Variants in RYR3 observed in about 807,000 individuals in gnomAD.
The protein encoded by RYR3 is brain ryanodine receptor-calcium release channel.
Under a neutral mutation model 584.3 loss-of-function variants are expected in RYR3, and 207 were observed. The ratio of observed to expected loss-of-function variants is 0.35; its 90% CI spans 0.32 to 0.40. The LOEUF is 0.40. RYR3 is among the 10% of genes least tolerant of loss of function. The pLI is 1.00. For synonymous variants in RYR3, 2,416 were observed against 2,248.5 expected (o/e 1.07, Z -2.11); for missense variants, 5,616 against 6,089.2 (o/e 0.92, Z 2.59).
chr15:33,654,785 C>T (rs886809531), intron 32 of RYR3, among the ~76,000 whole-genome samples: 1 of 152,188 alleles, frequency 6.6e-6, no homozygotes, highest in African/African-American at 2.4e-5. Context: ...GTTTACCTAA[C>T]TATAGCAAAT....
At chr15:33,776,687 T>C (rs1448625238) in intron 64 of RYR3, among the ~76,000 whole-genome samples, 1 of 152,242 alleles carries the variant, frequency 6.6e-6, no homozygotes, top group East Asian at 1.9e-4. Flanking sequence ...ATTTCCTCTC[T>C]TTAGTACCCT....
At chr15:33,411,667 T>C (rs765066752) in intron 1 of RYR3, among the ~76,000 whole-genome samples, 2 of 152,192 alleles carry the variant, frequency 1.3e-5, no homozygotes, top group Non-Finnish European at 2.9e-5. Flanking sequence ...CACTTCCCCT[T>C]AGGAGTTCAT....
intron 2 of RYR3, among the ~76,000 whole-genome samples, chr15:33,474,396 C>T (rs1213235362): frequency 6.6e-6 from 1 of 152,148 alleles, no homozygotes. Context: ...TATCAGTAGG[C>T]TGGAAACTCA....
chr15:33,776,272 GACA>G (rs2073986514), intron 64 of RYR3, among the ~76,000 whole-genome samples: 1 of 152,208 alleles, frequency 6.6e-6, no homozygotes, highest in Non-Finnish European at 1.5e-5. Flanking sequence ...TTCTAATTGA[GACA>G]ACAACACTGA....
chr15:33,536,050 C>T (rs1382069908), intron 5 of RYR3, among the ~76,000 whole-genome samples: 1 of 152,158 alleles, frequency 6.6e-6, no homozygotes, highest in Non-Finnish European at 1.5e-5. Flanking sequence ...GATGCACCTC[C>T]AACTCAGATG....
intron 45 of RYR3, among the ~76,000 whole-genome samples, chr15:33,725,184 CACACACACACACACACACAT>C (rs1456926192): frequency 2.0e-5 from 3 of 147,614 alleles, no homozygotes; most frequent in African/African-American, 7.4e-5. Flanking sequence ...CACACACACA[CACACACACACACACACACAT>C]ATATACATCC....
rs180893074 is a variant in RYR3 at position 33,422,793 on chromosome 15, G to A, written c.52-50626G>A. 2.5e-3 allele frequency among the ~76,000 whole-genome samples: 387 copies of A among 152,254 alleles called. 2 individuals are homozygous for A. Among genetic ancestry groups the A allele is most frequent in the Middle Eastern group, 3.4e-3 (1 of 294 alleles). On this transcript the variant is annotated intron_variant, in intron 1 of 103. Transcript: ENST00000634891. ...GATCAGCAGAGGCCTTGTATCCCCT[G>A]TAAAACAGTTTAAATATTAGCCTGC...
chr15:33,334,225 G>A (rs1970693174), intron 1 of RYR3, among the ~76,000 whole-genome samples: 1 of 152,054 alleles, frequency 6.6e-6, no homozygotes, highest in Admixed American at 6.6e-5. Context: ...AATAGCCAAG[G>A]CAATCCTAAG....
At position 33,728,991 on chromosome 15, in the gene RYR3, T is replaced by G. The variant is rs2068700992; in HGVS notation, c.7168T>G (p.Leu2390Val). 1 of 1,613,902 alleles carries G rather than the reference T, an allele frequency of 6.2e-7. No homozygotes were observed. Among genetic ancestry groups the G allele is most frequent in the African/African-American group, 1.3e-5 (1 of 74,942 alleles). ...FLLHLLEVGF[L>V]PDLRASASLD... ...GCTCCACTTGCTGGAGGTTGGATTT[T>G]TACCTGACCTAAGAGCTTCTGCCTC... Residue 2390 changes from leucine to valine, a missense_variant, in exon 47 of 104, where the codon TTA (leucine) becomes GTA (valine). By Grantham distance (32) the Leu-to-Val change is conservative (BLOSUM62 1). Around this residue, in one of 9 missense-constraint regions of RYR3, gnomAD observed 1,280 missense variants for 1,426.2 expected, o/e 0.90. Transcript: ENST00000634891.
In RYR3 at chr15:33,633,189, G is replaced by A. The variant is rs543397744; in HGVS notation, c.3027+81G>A. Reference sequence around the variant, plus strand: ...TGCCGTTTTGCTTTGGTGTGTGTTAGATCAGAAGGAAGAGTTTGCCTTTGC... The same window carrying A: ...TGCCGTTTTGCTTTGGTGTGTGTTAAATCAGAAGGAAGAGTTTGCCTTTGC... On this transcript the variant is annotated intron_variant, in intron 24 of 103. Transcript: ENST00000634891. The A allele has an allele frequency of 3.8e-5, 56 of 1,456,554 alleles. No individual in the cohort carries two copies. In the African/African-American group the frequency reaches 7.4e-4, roughly 19 times the overall value. The allele number at this position is 1,456,554 out of a possible 1,614,324, so 90.2% of individuals were successfully genotyped here.
rs143550625 is a variant in RYR3 at position 33,835,416 on chromosome 15, C to T, written c.11568+344C>T. ...CAAACACTCTACCAGCCCCGTCTGA[C>T]TTGTCCCATGTTGCATGTCTCTGTA... is the stretch of plus-strand genomic sequence containing the variant. On this transcript the variant is annotated intron_variant, in intron 87 of 103. Transcript: ENST00000634891. Among the ~76,000 whole-genome samples the T allele has an allele frequency of 7.2e-3, 1,095 of 152,294 alleles. 10 individuals are homozygous for T. The highest frequency in any genetic ancestry group is 0.025 in the African/African-American group (1,042 of 41,560).
At chr15:33,590,012 TA>T (rs1373238356) in intron 16 of RYR3, among the ~76,000 whole-genome samples, 2 of 151,728 alleles carry the variant, frequency 1.3e-5, no homozygotes, top group Admixed American at 6.6e-5. Flanking sequence ...TGAAGAGAGA[TA>T]GGGGTGGGGC....
rs745996065 is a variant in RYR3 at position 33,821,260 on chromosome 15, T to C, written c.10816-10T>C. The C allele has an allele frequency of 8.2e-6, 13 of 1,580,558 alleles. No individual in the cohort carries two copies. Among genetic ancestry groups the C allele is most frequent in the Non-Finnish European group, 1.1e-5 (13 of 1,163,176 alleles). The stretch of plus-strand genomic sequence containing the variant: ...AACCAATCTTTCCCTGTGATTTTTT[T>C]TCCCCCCAGGAGAAAGAGATGGAGA... On this transcript the variant is annotated splice_polypyrimidine_tract_variant and intron_variant, in intron 78 of 103. Coordinates refer to ENST00000634891, the MANE Select transcript of RYR3 (RefSeq NM_001036.6).
At chr15:33,603,674 G>C (rs2059779008) in intron 18 of RYR3, among the ~76,000 whole-genome samples, 1 of 152,190 alleles carries the variant, frequency 6.6e-6, no homozygotes, top group Non-Finnish European at 1.5e-5. Flanking sequence ...TGAGCAGTGA[G>C]TTACATACTT....
At chr15:33,862,523 C>CTAGA (rs1416190721) in intron 102 of RYR3, among the ~76,000 whole-genome samples, 2 of 152,174 alleles carry the variant, frequency 1.3e-5, no homozygotes, top group Non-Finnish European at 2.9e-5. Context: ...TTTCTTTAGG[C>CTAGA]TAGAGCAGGC....
intron 67 of RYR3, among the ~76,000 whole-genome samples, chr15:33,794,265 C>A (rs1184108184): frequency 1.9e-5 from 1 of 51,642 alleles, no homozygotes; most frequent in African/African-American, 4.8e-5. Context: ...GTACAATTTC[C>A]CATAGATAGG....
chr15:33,845,196 A>G, intron 93 of RYR3, 134 bp downstream of exon 93: 1 of 779,426 alleles, frequency 1.3e-6, no homozygotes, highest in Non-Finnish European at 2.1e-6. Context: ...CAGCAGCAGC[A>G]CATCACTTGG....
At chr15:33,356,224 A>G (rs1973959285) in intron 1 of RYR3, among the ~76,000 whole-genome samples, 1 of 152,150 alleles carries the variant, frequency 6.6e-6, no homozygotes, top group Non-Finnish European at 1.5e-5. Flanking sequence ...CAATCTTTAT[A>G]ACCTCAACTA....
At position 33,841,989 on chromosome 15, in the gene RYR3, C is replaced by G. The variant is rs1443436046; in HGVS notation, c.13163C>G (p.Thr4388Arg). 6.2e-7 allele frequency: 1 copy of G among 1,603,722 alleles called. No individual in the cohort carries two copies. Among genetic ancestry groups the G allele is most frequent in the South Asian group, 1.1e-5 (1 of 88,816 alleles). Reference protein sequence around the residue: ...GQKVEKPEAFTANFFKGLEIY... With the variant: ...GQKVEKPEAFRANFFKGLEIY... ...AAGGTTGAGAAGCCGGAAGCTTTCACAGCCAATTTCTTTAAAGGGCTGGAA... is the reference window on the plus strand; with the variant it reads ...AAGGTTGAGAAGCCGGAAGCTTTCAGAGCCAATTTCTTTAAAGGGCTGGAA... Residue 4388 changes from threonine (T) to arginine (R), a missense_variant, in exon 91 of 104, where the codon ACA becomes AGA. Around this residue, in one of 9 missense-constraint regions of RYR3, gnomAD observed 918 missense variants for 887.4 expected, o/e 1.03. Transcript: ENST00000634891.
Sources: gnomAD v4.1 joint callset for allele counts (sites outside exome capture counted in the v4.1 genomes callset) on GRCh38, gnomAD v4.1.1 for gene constraint, gnomAD v4.1.1 regional missense constraint, MANE v1.5 for transcripts, NCBI Gene and HGNC (gene_info 2026-07-23, HGNC 2026-07-21) for gene names.